The following HPSE2 variants were observed in gnomAD, a reference collection of about 807,000 sequenced individuals.
The protein encoded by HPSE2 is inactive heparanase-2.
In HPSE2, 38 loss-of-function variants were observed where a neutral mutation model predicts 60.5. That is an observed-to-expected ratio of 0.63 (90% CI 0.48 to 0.82). HPSE2 has a LOEUF of 0.82. HPSE2 is among the 40% of genes least tolerant of loss of function. The probability of loss-of-function intolerance (pLI) is 0.00; values close to 1 mark genes in which losing one functional copy is unlikely to be tolerated. For missense variants in HPSE2, 713 were observed against 740.4 expected (o/e 0.96, Z 0.43); for synonymous variants, 295 against 293.2 (o/e 1.01, Z -0.06).
At chr10:98,834,172 A>G (rs1341662240) in intron 3 of HPSE2, among the ~76,000 whole-genome samples, 1 of 152,136 alleles carries the variant, frequency 6.6e-6, no homozygotes, top group African/African-American at 2.4e-5. Context: ...CTTCCTTACT[A>G]TAAGGACTCA....
chr10:98,708,316 C>A (rs753097301), intron 5 of HPSE2, among the ~76,000 whole-genome samples: 4 of 151,768 alleles, frequency 2.6e-5, no homozygotes, highest in African/African-American at 9.7e-5. Context: ...ATTAGCTGGG[C>A]GTGGTGGTGG....
chr10:98,696,043 G>T (rs1354768472), intron 5 of HPSE2, among the ~76,000 whole-genome samples: 1 of 152,078 alleles, frequency 6.6e-6, no homozygotes, highest in Non-Finnish European at 1.5e-5. Context: ...AATAATCTTA[G>T]AAGTAGGATG....
intron 3 of HPSE2, among the ~76,000 whole-genome samples, chr10:99,114,046 C>A (rs1306591140): frequency 6.6e-6 from 1 of 151,916 alleles, no homozygotes; most frequent in Non-Finnish European, 1.5e-5. Context: ...AACTGCAACA[C>A]GTTGAAATAC....
intron 4 of HPSE2, among the ~76,000 whole-genome samples, chr10:98,739,932 AG>A (rs1949454837): frequency 6.6e-6 from 1 of 152,162 alleles, no homozygotes; most frequent in Non-Finnish European, 1.5e-5. Context: ...GAGTTGGACT[AG>A]AATTTATATA....
intron 9 of HPSE2, among the ~76,000 whole-genome samples, chr10:98,606,673 G>A (rs1333034403): frequency 6.6e-6 from 1 of 150,622 alleles, no homozygotes; most frequent in East Asian, 1.9e-4. Flanking sequence ...ATAATTGAAA[G>A]TTAGTAAGTG....
intron 5 of HPSE2, among the ~76,000 whole-genome samples, chr10:98,694,148 A>C (rs1948151321): frequency 6.6e-6 from 1 of 152,162 alleles, no homozygotes; most frequent in African/African-American, 2.4e-5. Flanking sequence ...CCATACTTCC[A>C]GCTCCCCACA....
intron 2 of HPSE2, among the ~76,000 whole-genome samples, chr10:99,200,083 G>A (rs1768096513): frequency 6.6e-6 from 1 of 152,022 alleles, no homozygotes; most frequent in South Asian, 2.1e-4. Context: ...ATAGCTCAAT[G>A]TTAGTGTAAA....
chr10:99,121,463 T>C (rs1844950106), intron 3 of HPSE2, among the ~76,000 whole-genome samples: 1 of 151,600 alleles, frequency 6.6e-6, no homozygotes, highest in East Asian at 1.9e-4. Flanking sequence ...AATAAAAGCT[T>C]ACAAAAAGAA....
At chr10:98,621,506 T>C (rs993221405) in intron 7 of HPSE2, among the ~76,000 whole-genome samples, 1 of 152,104 alleles carries the variant, frequency 6.6e-6, no homozygotes, top group Non-Finnish European at 1.5e-5. Context: ...TGTTTATAGG[T>C]AGTTCACTCA....
intron 7 of HPSE2, among the ~76,000 whole-genome samples, chr10:98,627,677 A>G (rs609850): frequency 0.25 from 38,445 of 152,134 alleles, 5,023 homozygotes; most frequent in Admixed American, 0.32. Context: ...AGAGGATTTT[A>G]TGATATTTAA....
At chr10:98,496,314 C>G (rs1044942831) in intron 9 of HPSE2, among the ~76,000 whole-genome samples, 5 of 152,186 alleles carry the variant, frequency 3.3e-5, no homozygotes, top group African/African-American at 1.2e-4. Flanking sequence ...AGGCACCAAT[C>G]TTTTAAATCC....
intron 7 of HPSE2, among the ~76,000 whole-genome samples, chr10:98,629,707 C>G (rs1946310230): frequency 6.6e-6 from 1 of 152,204 alleles, no homozygotes; most frequent in Non-Finnish European, 1.5e-5. Context: ...AGCTTAAGAA[C>G]CTTCAGTGGT....
chr10:99,235,405 G>A (rs928394845), intron 1 of HPSE2, 108 bp downstream of exon 1: 3 of 1,032,734 alleles, frequency 2.9e-6, no homozygotes, highest in Non-Finnish European at 3.0e-6. Flanking sequence ...CTCTTTGAGA[G>A]ATCTGCTTGG....
chr10:98,922,004 GT>G lies in HPSE2; in HGVS notation c.611-177949del, dbSNP rs529788896. On this transcript the variant is annotated intron_variant, in intron 3 of 11. Transcript: ENST00000370552. ...GATGTCCAACAGAATTACAATGTAA[GT>G]CACAAATGCAAGTTACATTTAAAAT... 2.6e-5 allele frequency among the ~76,000 whole-genome samples: 4 copies of G among 152,220 alleles called. No individual in the cohort carries two copies. In the East Asian group the frequency reaches 7.7e-4, roughly 29 times the overall value.
intron 9 of HPSE2, among the ~76,000 whole-genome samples, chr10:98,548,263 AG>A (rs1028382048): frequency 6.6e-6 from 1 of 152,168 alleles, no homozygotes; most frequent in African/African-American, 2.4e-5. Flanking sequence ...GACAGAAAAA[AG>A]TATATTGTTG....
intron 3 of HPSE2, among the ~76,000 whole-genome samples, chr10:98,820,715 G>T (rs1048533887): frequency 1.3e-5 from 2 of 152,132 alleles, no homozygotes; most frequent in African/African-American, 4.8e-5. Flanking sequence ...GTTCAACACA[G>T]ACCCATTGGC....
At chr10:98,823,728 C>A (rs982528342) in intron 3 of HPSE2, among the ~76,000 whole-genome samples, 1 of 151,996 alleles carries the variant, frequency 6.6e-6, no homozygotes, top group Non-Finnish European at 1.5e-5. Context: ...AATATAGCCT[C>A]AAAAATGCAT....
intron 3 of HPSE2, among the ~76,000 whole-genome samples, chr10:98,829,311 C>T (rs1292501680): frequency 2.0e-5 from 3 of 151,994 alleles, no homozygotes; most frequent in Non-Finnish European, 2.9e-5. Context: ...AGGTGGATCA[C>T]GAGGTCAGGA....
chr10:98,800,552 G>A (rs902537955), intron 3 of HPSE2, among the ~76,000 whole-genome samples: 2 of 150,412 alleles, frequency 1.3e-5, no homozygotes, highest in African/African-American at 4.9e-5. Flanking sequence ...TATTACAACT[G>A]ATATTGCAAA....
Sources: allele counts gnomAD v4.1 joint callset (sites outside exome capture counted in the v4.1 genomes callset), GRCh38; gene constraint gnomAD v4.1.1; transcripts MANE v1.5; gene names NCBI Gene and HGNC (gene_info 2026-07-23, HGNC 2026-07-21).